KCNN1: variants seen among roughly 807,000 people sequenced by gnomAD.
KCNN1 encodes small conductance calcium-activated potassium channel protein 1.
KCNN1 carries 20 observed loss-of-function variants against 44.7 expected under a neutral mutation model. The ratio of observed to expected loss-of-function variants is 0.45; its 90% confidence interval spans 0.32 to 0.65. KCNN1 has a LOEUF of 0.65. Among genes scored for constraint, KCNN1 ranks in the 30% least tolerant of loss-of-function variants. The probability of loss-of-function intolerance (pLI) is 0.05; values close to 1 mark genes in which losing one functional copy is unlikely to be tolerated. For missense variants in KCNN1, 632 were observed against 785.3 expected (o/e 0.80, Z 2.33); for synonymous variants, 324 against 341.7 (o/e 0.95, Z 0.57).
rs1193115522 is a variant in KCNN1 at position 17,998,125 on chromosome 19, T to C, written c.1378-27T>C. 3 of 1,552,630 alleles carry C rather than the reference T, an allele frequency of 1.9e-6. No individual in the cohort carries two copies. The highest frequency in any genetic ancestry group is 2.6e-6 in the Non-Finnish European group (3 of 1,149,484). On this transcript the variant is annotated intron_variant, in intron 9 of 9. Transcript: ENST00000684775. The surrounding 1 kb of genome is among the most constrained non-coding windows in gnomAD (Gnocchi z 5.4). ...TTCCTCTCTCACTCAGCGGCGCCTC[T>C]CTCCTGCCCCTCTCTGTCTCCCGCA... is the stretch of plus-strand genomic sequence containing the variant.
intron 9 of KCNN1, among the ~76,000 whole-genome samples, chr19:17,994,365 T>C (rs2032909889): frequency 6.6e-6 from 1 of 151,256 alleles, no homozygotes; most frequent in African/African-American, 2.4e-5. Context: ...GAGAATCACT[T>C]GAGCCCAGGA....
At chr19:17,953,197 T>A (rs183210055) in intron 1 of KCNN1, among the ~76,000 whole-genome samples, 257 of 152,338 alleles carry the variant, frequency 1.7e-3, no homozygotes, top group African/African-American at 5.9e-3. Context: ...CTCCTCAGGC[T>A]GCCCAAGACC....
intron 2 of KCNN1, among the ~76,000 whole-genome samples, chr19:17,956,342 C>T (rs1170429310): frequency 1.3e-5 from 2 of 152,230 alleles, no homozygotes; most frequent in African/African-American, 4.8e-5. Context: ...AAACACTGAG[C>T]AAGCTAGCTA....
chr19:17,974,067 G>C lies in KCNN1; in HGVS notation c.179G>C (p.Arg60Pro). ...GCCCGGCCCTCACCCGGCAGCCCCC[G>C]GGGGCAGCCCCAGGACCAGGACGAT... Reference protein sequence around the residue: ...EPARPSPGSPRGQPQDQDDDE... With the variant: ...EPARPSPGSPPGQPQDQDDDE... Residue 60 changes from arginine to proline, a missense_variant, in exon 2 of 10, where the codon CGG becomes CCG. By Grantham distance (103) the Arg-to-Pro change is moderately radical. Around this residue, in one of 3 missense-constraint regions of KCNN1, gnomAD observed 235 missense variants for 224.0 expected, o/e 1.05. Coordinates refer to ENST00000684775, the MANE Select transcript of KCNN1 (RefSeq NM_001386974.1). The surrounding 1 kb of genome is among the most constrained non-coding windows in gnomAD (Gnocchi z 7.3). 1.2e-6 allele frequency: 2 copies of C among 1,610,992 alleles called. No homozygotes were observed. The highest frequency in any genetic ancestry group is 1.7e-6 in the Non-Finnish European group (2 of 1,179,644).
Position 17,974,359 on chromosome 19 carries a change from G to A in KCNN1, c.402+69G>A. 1 of 1,476,106 alleles carries A rather than the reference G, an allele frequency of 6.8e-7. No individual in the cohort carries two copies. The highest frequency in any genetic ancestry group is 9.0e-7 in the Non-Finnish European group (1 of 1,116,428). 91.4% of individuals were successfully genotyped at this position (1,476,106 alleles called of 1,614,324 possible). On this transcript the variant is annotated intron_variant, in intron 2 of 9. Coordinates refer to ENST00000684775, the MANE Select transcript of KCNN1 (RefSeq NM_001386974.1). This position sits in a 1 kb window ranked among gnomAD's most constrained non-coding sequence, Gnocchi z 7.3. ...AGCCCGCCTAGCTTTCTTGACATGG[G>A]GTTGGGGGTGGCAGGGCCCCCCGGG...
intron 2 of KCNN1, among the ~76,000 whole-genome samples, chr19:17,959,239 T>G (rs887299269): frequency 6.6e-6 from 1 of 151,676 alleles, no homozygotes; most frequent in Non-Finnish European, 1.5e-5. Flanking sequence ...TTGGCCACGC[T>G]GGTCTTGTTT....
At chr19:17,953,225 T>C (rs1460719711) in intron 1 of KCNN1, among the ~76,000 whole-genome samples, 1 of 152,074 alleles carries the variant, frequency 6.6e-6, no homozygotes, top group Non-Finnish European at 1.5e-5. Context: ...AGGAAATCCC[T>C]GGGGGGAGGG....
upstream of KCNN1, among the ~76,000 whole-genome samples, chr19:17,963,000 C>CTTTTT (rs71164332): frequency 1.1e-4 from 9 of 81,668 alleles, no homozygotes; most frequent in African/African-American, 1.7e-4. Context: ...CACGCCCAGG[C>CTTTTT]TTTTTTTTTT....
At chr19:17,997,542 C>T (rs1038076064) in intron 9 of KCNN1, among the ~76,000 whole-genome samples, 3 of 152,120 alleles carry the variant, frequency 2.0e-5, no homozygotes, top group South Asian at 2.1e-4. Context: ...TCCCTCTTGT[C>T]ACTCAGGCGC....
chr19:17,985,625 C>G (rs147199067), intron 5 of KCNN1, among the ~76,000 whole-genome samples, 172 bp downstream of exon 5: 1 of 152,336 alleles, frequency 6.6e-6, no homozygotes, highest in African/African-American at 2.4e-5. Flanking sequence ...TTTCCTCTGA[C>G]GTCACGTGGA....
intron 2 of KCNN1, among the ~76,000 whole-genome samples, chr19:17,957,335 A>T (rs1041727829): frequency 3.3e-5 from 5 of 150,190 alleles, no homozygotes; most frequent in Non-Finnish European, 7.4e-5. Context: ...GGAAGGAAAG[A>T]AGGAAGGAAG....
chr19:17,989,634 G>A, intron 6 of KCNN1, 82 bp from the exon 7 acceptor site: 1 of 1,593,342 alleles, frequency 6.3e-7, no homozygotes, highest in Admixed American at 1.8e-5. Context: ...GTTTCTAGAG[G>A]TTTCTGGAAG....
rs1488559679 is a variant in KCNN1, at chr19:17,983,670, T to G, written c.917+1543T>G. 2.6e-5 allele frequency among the ~76,000 whole-genome samples: 4 copies of G among 151,928 alleles called. No homozygotes were observed. The highest frequency in any genetic ancestry group is 5.9e-5 in the Non-Finnish European group (4 of 67,940). On this transcript the variant is annotated intron_variant, in intron 4 of 9. Transcript: ENST00000684775. This position sits in a 1 kb window ranked among gnomAD's most constrained non-coding sequence, Gnocchi z 4.5. ...CCTGGCGACAATGCTTGAAGCCCCC[T>G]TGCCTGCCTCGCTCTGACCCACCCC...
At position 18,000,065 on chromosome 19, in the gene KCNN1, C is replaced by A; in HGVS notation, c.*1659C>A. 2.2e-6 allele frequency: 1 copy of A among 455,208 alleles called. No individual in the cohort carries two copies. Among genetic ancestry groups the A allele is most frequent in the Non-Finnish European group, 4.4e-6 (1 of 226,346 alleles). 28.2% of individuals were successfully genotyped at this position (455,208 alleles called of 1,614,324 possible). A position where few individuals can be genotyped will look rare whatever the true frequency, so the allele number is the denominator to read the frequency against. The stretch of plus-strand genomic sequence containing the variant: ...TAGGTGCTCAATAAATGCTCCTTCC[C>A]GCCTGAGGGATCACACTGGAGTCTT... On this transcript the variant is annotated 3_prime_UTR_variant, in exon 10 of 10. Coordinates refer to ENST00000684775, the MANE Select transcript of KCNN1 (RefSeq NM_001386974.1).
chr19:17,996,338 G>A (rs2032993129), intron 9 of KCNN1, among the ~76,000 whole-genome samples: 1 of 152,026 alleles, frequency 6.6e-6, no homozygotes, highest in South Asian at 2.1e-4. Context: ...GGGTGTAGTG[G>A]CTCATCCCTG....
At position 17,993,535 on chromosome 19, in the gene KCNN1, TAACACGCTTACCGACCTA is replaced by T; in HGVS notation, c.1354_1371del (p.Asn452_Leu457del). On this transcript the variant is annotated inframe_deletion, in exon 9 of 10. Coordinates refer to ENST00000684775, the MANE Select transcript of KCNN1 (RefSeq NM_001386974.1). This position sits in a 1 kb window ranked among gnomAD's most constrained non-coding sequence, Gnocchi z 4.5. Reference sequence around the variant, plus strand: ...AGCAAGGGAAGCTGAACGACCAGGCTAACACGCTTACCGACCTAGCCAAGGTGAGTGGGTTGGGGCAGG... The same window carrying T: ...AGCAAGGGAAGCTGAACGACCAGGCTGCCAAGGTGAGTGGGTTGGGGCAGG... 1 of 1,613,850 alleles carries T rather than the reference TAACACGCTTACCGACCTA, an allele frequency of 6.2e-7. No individual in the cohort carries two copies.
rs1037911008 is a variant in KCNN1, at chr19:17,989,918, C to T, written c.1298+75C>T. 28 of 1,604,812 alleles carry T rather than the reference C, an allele frequency of 1.7e-5. No individual in the cohort carries two copies. In the Admixed American group the frequency reaches 4.0e-4, roughly 23 times the overall value. On this transcript the variant is annotated intron_variant, in intron 7 of 9. Transcript: ENST00000684775. ...AGGCAGCCCTCGCAGCTCTGTGTGG[C>T]CTCTTCACGGCTCCCTGCCAGGGAC...
chr19:17,964,104 TGTGAATGAATGAATGAATTA>T (rs552204885), upstream of KCNN1, among the ~76,000 whole-genome samples: 368 of 152,254 alleles, frequency 2.4e-3, 1 homozygote, highest in African/African-American at 7.7e-3. The surrounding 1 kb of genome is among the most constrained non-coding windows in gnomAD (Gnocchi z 4.3). Context: ...TATGTGGATA[TGTGAATGAATGAATGAATTA>T]GTGAATGAAT....
chr19:17,957,626 G>A (rs928210755), intron 2 of KCNN1, among the ~76,000 whole-genome samples: 1 of 152,116 alleles, frequency 6.6e-6, no homozygotes, highest in Non-Finnish European at 1.5e-5. Flanking sequence ...GAACAGTGAG[G>A]AGGCTGCTGT....
Sources: gnomAD v4.1 joint callset for allele counts (sites outside exome capture counted in the v4.1 genomes callset) on GRCh38, gnomAD v4.1.1 for gene constraint, gnomAD v4.1.1 regional missense constraint, Gnocchi (gnomAD v3.1) non-coding constraint, MANE v1.5 for transcripts, NCBI Gene and HGNC (gene_info 2026-07-23, HGNC 2026-07-21) for gene names.